Variants in HNF4A observed in about 807,000 individuals in gnomAD.
HNF4A encodes the protein hepatocyte nuclear factor 4 alpha, also known as hepatocyte nuclear factor 4-alpha.
Under a neutral mutation model 52.4 loss-of-function variants are expected in HNF4A, and 15 were observed. The observed-to-expected ratio is 0.29, with a 90% CI of 0.19 to 0.44. HNF4A has a LOEUF of 0.44. Among genes scored for constraint, HNF4A ranks in the 20% least tolerant of loss-of-function variants. The pLI, the probability that HNF4A is intolerant of heterozygous loss-of-function variation, is 1.00. For missense variants in HNF4A, 479 were observed against 647.2 expected, an observed-to-expected ratio of 0.74 and a Z score of 2.82; for synonymous variants, 280 against 264.4, an observed-to-expected ratio of 1.06 and a Z score of -0.57.
chr20:44,378,914 G>A (rs6130603), intron 1 of HNF4A, among the ~76,000 whole-genome samples: 8 of 66,610 alleles, frequency 1.2e-4, no homozygotes, highest in Admixed American at 3.4e-4. Context: ...GAGAGACCCC[G>A]TCTCAAAAAA....
chr20:44,358,819 T>C (rs1286459975), intron 1 of HNF4A, among the ~76,000 whole-genome samples: 1 of 152,092 alleles, frequency 6.6e-6, no homozygotes, highest in African/African-American at 2.4e-5. Flanking sequence ...CCATGAGTGC[T>C]TAGAACAGTC....
upstream of HNF4A, among the ~76,000 whole-genome samples, chr20:44,400,581 T>C (rs2063394568): frequency 6.6e-6 from 1 of 151,648 alleles, no homozygotes; most frequent in African/African-American, 2.4e-5. Flanking sequence ...AACAGGAGAA[T>C]GTGATGGGAA....
chr20:44,362,428 A>T (rs1004347881), intron 1 of HNF4A, among the ~76,000 whole-genome samples: 6 of 151,360 alleles, frequency 4.0e-5, no homozygotes, highest in African/African-American at 1.2e-4. Context: ...TAAAAAAAAA[A>T]AAAAAAAAAA....
intron 1 of HNF4A, among the ~76,000 whole-genome samples, chr20:44,401,911 A>G (rs974330310): frequency 1.3e-5 from 2 of 151,402 alleles, no homozygotes; most frequent in African/African-American, 4.9e-5. Context: ...ATCCCTGGAG[A>G]TGGTGGTTGG....
chr20:44,362,627 C>T (rs970677229), intron 1 of HNF4A, among the ~76,000 whole-genome samples: 1 of 152,014 alleles, frequency 6.6e-6, no homozygotes, highest in African/African-American at 2.4e-5. Flanking sequence ...ATAACCCATC[C>T]AAGTAGGAAA....
intron 1 of HNF4A, among the ~76,000 whole-genome samples, chr20:44,387,083 A>G (rs1050222255): frequency 1.8e-4 from 28 of 151,960 alleles, no homozygotes; most frequent in Non-Finnish European, 2.9e-5. Flanking sequence ...TGGGTGGATC[A>G]CCTGAGGTCA....
rs760902451 is a variant in HNF4A at position 44,424,193 on chromosome 20, G to A, written c.1068G>A (p.Gln356=). The change falls in exon 8 of 10, where the codon CAG becomes CAA. Residue 356 remains glutamine (Q), a synonymous_variant. Coordinates refer to ENST00000316099, the MANE Select transcript of HNF4A (RefSeq NM_000457.6). ...CCTGGCAGATGATCGAGCAGATCCA[G>A]TTCATCAAGCTCTTCGGCATGGCCA... 2.5e-6 allele frequency: 4 copies of A among 1,614,002 alleles called. No homozygotes were observed. The highest frequency in any genetic ancestry group is 2.7e-5 in the African/African-American group (2 of 74,942).
intron 1 of HNF4A, among the ~76,000 whole-genome samples, chr20:44,382,299 C>T (rs909602181): frequency 2.7e-5 from 4 of 150,186 alleles, no homozygotes; most frequent in African/African-American, 7.4e-5. Context: ...AGTGCGGTGG[C>T]GAGATCTCGG....
intron 8 of HNF4A, among the ~76,000 whole-genome samples, chr20:44,426,944 G>A (rs2063821246): frequency 6.6e-6 from 1 of 152,194 alleles, no homozygotes; most frequent in African/African-American, 2.4e-5. Flanking sequence ...AGTCAAAGTG[G>A]GGATGTTGAA....
At chr20:44,399,708 A>G (rs2063385165), upstream of HNF4A, among the ~76,000 whole-genome samples, 1 of 152,042 alleles carries the variant, frequency 6.6e-6, no homozygotes. Flanking sequence ...TCACTTACTC[A>G]GTAATTTACC....
chr20:44,415,734 C>T (rs2063654788), intron 5 of HNF4A, among the ~76,000 whole-genome samples: 2 of 152,232 alleles, frequency 1.3e-5, no homozygotes, highest in African/African-American at 2.4e-5. Context: ...GCAAGATTCT[C>T]CTGGAACACC....
At chr20:44,381,947 A>C (rs2063159463) in intron 1 of HNF4A, among the ~76,000 whole-genome samples, 1 of 152,236 alleles carries the variant, frequency 6.6e-6, no homozygotes, top group Non-Finnish European at 1.5e-5. Context: ...ACGCAACTAT[A>C]TGCTGGGCAG....
chr20:44,413,596 C>G, intron 3 of HNF4A, 98 bp from the exon 4 acceptor site: 1 of 809,634 alleles, frequency 1.2e-6, no homozygotes, highest in Non-Finnish European at 2.1e-6. Context: ...TCTCTGGACA[C>G]CCCCCACCTC....
Position 44,429,882 on chromosome 20 carries a change from C to T in HNF4A, c.*217C>T, listed in dbSNP as rs1019701119. The T allele has an allele frequency of 1.0e-5, 6 of 584,240 alleles. No homozygotes were observed. The highest frequency in any genetic ancestry group is 2.1e-5 in the South Asian group (1 of 46,822). The allele number at this position is 584,240 out of a possible 1,614,324, so 36.2% of individuals were successfully genotyped here. A position where few individuals can be genotyped will look rare whatever the true frequency, so the allele number is the denominator to read the frequency against. Reference sequence around the variant, plus strand: ...ATAACAAGACTTTGACTTGGGGAGACCTCTACTGCCTTGGACAACTTTTCT... The same window carrying T: ...ATAACAAGACTTTGACTTGGGGAGATCTCTACTGCCTTGGACAACTTTTCT... On this transcript the variant is annotated 3_prime_UTR_variant, in exon 10 of 10. Transcript: ENST00000316099.
In HNF4A at chr20:44,355,866, G is replaced by A. The variant is rs759324522; in HGVS notation, c.49+13G>A. 4 of 1,608,828 alleles carry A rather than the reference G, an allele frequency of 2.5e-6. No homozygotes were observed. In the African/African-American group the frequency reaches 4.0e-5, roughly 16 times the overall value. On this transcript the variant is annotated intron_variant, in intron 1 of 9. Transcript: ENST00000316673. Reference sequence around the variant, plus strand: ...GAGAGTTCTTACGGTAAGTGGGGCTGGGGGAAGACTGGACAGGGCGGGACT... The same window carrying A: ...GAGAGTTCTTACGGTAAGTGGGGCTAGGGGAAGACTGGACAGGGCGGGACT...
At chr20:44,407,792 T>TGTGTGTGTG (rs2063524251) in intron 3 of HNF4A, among the ~76,000 whole-genome samples, 1 of 151,534 alleles carries the variant, frequency 6.6e-6, no homozygotes, top group African/African-American at 2.4e-5. Flanking sequence ...TGTGTGTGTG[T>TGTGTGTGTG]TTAATATAAT....
intron 1 of HNF4A, among the ~76,000 whole-genome samples, chr20:44,404,862 T>TGC (rs2063467852): frequency 1.6e-4 from 1 of 6,064 alleles, no homozygotes; most frequent in Admixed American, 2.3e-3. Context: ...GTGGTGTGTG[T>TGC]GCGCGTGTGT....
At chr20:44,383,144 T>A (rs2063176117) in intron 1 of HNF4A, among the ~76,000 whole-genome samples, 1 of 152,214 alleles carries the variant, frequency 6.6e-6, no homozygotes, top group Non-Finnish European at 1.5e-5. Context: ...CACTCCAGCC[T>A]GAGTGACAGA....
chr20:44,388,150 G>A (rs1037882714), intron 1 of HNF4A, among the ~76,000 whole-genome samples: 1 of 151,352 alleles, frequency 6.6e-6, no homozygotes, highest in Admixed American at 6.6e-5. Context: ...GTGCAGTGGC[G>A]CCATCGTGGC....
Sources: gnomAD v4.1 joint callset for allele counts (sites outside exome capture counted in the v4.1 genomes callset) on GRCh38, gnomAD v4.1.1 for gene constraint, MANE v1.5 for transcripts, NCBI Gene and HGNC (gene_info 2026-07-23, HGNC 2026-07-21) for gene names.